The following TMEM233 variants were observed in gnomAD, a reference collection of about 807,000 sequenced individuals.
TMEM233 encodes the protein transmembrane protein 233.
In TMEM233, 6 loss-of-function variants were observed where a neutral mutation model predicts 11.2. The ratio of observed to expected loss-of-function variants is 0.54; its 90% confidence interval spans 0.29 to 1.06. The LOEUF is 1.06. Among genes scored for constraint, TMEM233 ranks in the 50% least tolerant of loss-of-function variants. The pLI, the probability that TMEM233 is intolerant of heterozygous loss-of-function variation, is 0.08. For missense variants in TMEM233, 127 were observed against 144.7 expected (o/e 0.88, Z 0.63); for synonymous variants, 59 against 55.8 (o/e 1.06, Z -0.26).
rs1250624547 is a variant in TMEM233 at position 119,597,102 on chromosome 12, CCAAAGGA to C, written c.186+3081_186+3087del. On this transcript the variant is annotated intron_variant, in intron 1 of 2. Coordinates refer to ENST00000426426, the MANE Select transcript of TMEM233 (RefSeq NM_001136534.3). The stretch of plus-strand genomic sequence containing the variant: ...CTTGATCAGTTTCATCACAAGGACT[CCAAAGGA>C]CAAAGGACAAAGAGGAAGAGGAAGG... 3.9e-5 allele frequency among the ~76,000 whole-genome samples: 6 copies of C among 152,246 alleles called. No homozygotes were observed. The South Asian group carries it at 8.3e-4, about 21-fold the overall frequency.
intron 2 of TMEM233, chr12:119,634,340 G>GAGCCACCACACCCA: frequency 1.1e-6 from 1 of 908,118 alleles, no homozygotes; most frequent in Non-Finnish European, 1.3e-6. Flanking sequence ...GGCTGGGTGT[G>GAGCCACCACACCCA]GTGGCTCACA....
chr12:119,599,905 C>T (rs1182033047), intron 1 of TMEM233, among the ~76,000 whole-genome samples: 4 of 152,076 alleles, frequency 2.6e-5, no homozygotes, highest in African/African-American at 4.8e-5. Context: ...AAGCTGAAAA[C>T]GAGATTAATG....
chr12:119,651,467 A>G, the TMEM233 span, among the ~76,000 whole-genome samples: 1 of 152,082 alleles, frequency 6.6e-6, no homozygotes, highest in East Asian at 1.9e-4. Context: ...TTATGTGACC[A>G]TTCCGAAAAA....
At chr12:119,613,470 T>G (rs538227091) in intron 1 of TMEM233, among the ~76,000 whole-genome samples, 1 of 152,222 alleles carries the variant, frequency 6.6e-6, no homozygotes, top group East Asian at 1.9e-4. Flanking sequence ...AGGAAATAAA[T>G]CAGGAGCTGA....
intron 1 of TMEM233, among the ~76,000 whole-genome samples, chr12:119,600,643 G>A (rs1350534171): frequency 6.6e-6 from 1 of 152,172 alleles, no homozygotes; most frequent in Non-Finnish European, 1.5e-5. Flanking sequence ...GCTACAACCT[G>A]GATGAACCTT....
chr12:119,648,867 A>G, the TMEM233 span, among the ~76,000 whole-genome samples: 1 of 152,254 alleles, frequency 6.6e-6, no homozygotes, highest in African/African-American at 2.4e-5. Context: ...TTTAAACTTG[A>G]ATTTTAAAGC....
intron 2 of TMEM233, among the ~76,000 whole-genome samples, chr12:119,633,726 C>T (rs1053720090): frequency 3.9e-5 from 6 of 152,234 alleles, no homozygotes; most frequent in African/African-American, 1.4e-4. Flanking sequence ...GAAATCAATT[C>T]TCTCTTCCAG....
At chr12:119,630,353 C>T (rs781074750) in intron 2 of TMEM233, among the ~76,000 whole-genome samples, 6 of 152,304 alleles carry the variant, frequency 3.9e-5, no homozygotes, top group Non-Finnish European at 7.3e-5. Flanking sequence ...CAGGGTCCCA[C>T]GCTATACAAA....
chr12:119,614,355 C>T (rs1339813970), intron 1 of TMEM233, among the ~76,000 whole-genome samples: 1 of 151,054 alleles, frequency 6.6e-6, no homozygotes, highest in Admixed American at 6.6e-5. Context: ...TTCAGTGAGC[C>T]GAGATTGCAC....
chr12:119,644,346 GGAGA>G (rs1161639526), downstream of TMEM233, among the ~76,000 whole-genome samples: 2 of 152,088 alleles, frequency 1.3e-5, no homozygotes, highest in Non-Finnish European at 1.5e-5. Flanking sequence ...ACCAGAAGAA[GGAGA>G]GAGATTTGCT....
intron 1 of TMEM233, among the ~76,000 whole-genome samples, chr12:119,621,805 G>T (rs201517955): frequency 2.0e-4 from 30 of 152,256 alleles, no homozygotes; most frequent in East Asian, 1.9e-3. Flanking sequence ...GAGAAGAAAA[G>T]ATTTTACTTC....
chr12:119,600,322 A>G (rs547643898), intron 1 of TMEM233, among the ~76,000 whole-genome samples: 1 of 152,090 alleles, frequency 6.6e-6, no homozygotes, highest in African/African-American at 2.4e-5. Flanking sequence ...GAACCGGCTG[A>G]AAAAAATAAA....
At chr12:119,607,833 AC>A (rs1186255945) in intron 1 of TMEM233, among the ~76,000 whole-genome samples, 1 of 151,796 alleles carries the variant, frequency 6.6e-6, no homozygotes, top group African/African-American at 2.4e-5. Flanking sequence ...AGATTCTCCC[AC>A]CTCGGCCTCT....
chr12:119,629,419 A>T (rs1250399911), intron 1 of TMEM233, among the ~76,000 whole-genome samples: 2 of 151,856 alleles, frequency 1.3e-5, no homozygotes, highest in African/African-American at 4.9e-5. Context: ...CAAAAAAAAA[A>T]AGAAAAGATA....
chr12:119,601,004 A>T (rs892984852), intron 1 of TMEM233, among the ~76,000 whole-genome samples: 4 of 152,208 alleles, frequency 2.6e-5, no homozygotes, highest in Non-Finnish European at 4.4e-5. Flanking sequence ...CAAAAAAGAT[A>T]AAAATAGTCA....
At chr12:119,638,575 A>C (rs1294997212) in intron 2 of TMEM233, among the ~76,000 whole-genome samples, 1 of 152,188 alleles carries the variant, frequency 6.6e-6, no homozygotes, top group African/African-American at 2.4e-5. Context: ...AGGGCTCTCC[A>C]GGTAACTCTA....
At chr12:119,638,585 A>G (rs563448372) in intron 2 of TMEM233, among the ~76,000 whole-genome samples, 2 of 152,194 alleles carry the variant, frequency 1.3e-5, no homozygotes, top group South Asian at 4.1e-4. Context: ...AGGTAACTCT[A>G]ATGTGCAGCC....
the TMEM233 span, among the ~76,000 whole-genome samples, chr12:119,653,381 G>A: frequency 2.0e-4 from 20 of 101,228 alleles, no homozygotes; most frequent in African/African-American, 8.3e-4. Context: ...GACAGAGCGA[G>A]ACGCCACCTC....
intron 2 of TMEM233, chr12:119,631,442 G>A (rs1253991464): frequency 4.2e-6 from 4 of 943,962 alleles, no homozygotes; most frequent in East Asian, 1.2e-4. Flanking sequence ...AGGGGAAGAT[G>A]TCAAAACAGA....
Sources: allele counts gnomAD v4.1 joint callset (sites outside exome capture counted in the v4.1 genomes callset), GRCh38; gene constraint gnomAD v4.1.1; transcripts MANE v1.5; gene names NCBI Gene and HGNC (gene_info 2026-07-23, HGNC 2026-07-21).